Variants in PRKN observed in about 807,000 individuals in gnomAD.
PRKN encodes the protein parkin RBR E3 ubiquitin protein ligase.
In PRKN, 56 loss-of-function variants were observed where a neutral mutation model predicts 59.5. That is an observed-to-expected ratio of 0.94 (90% CI 0.76 to 1.18). The LOEUF (loss-of-function observed/expected upper bound fraction) is 1.18, where lower values mean the gene tolerates loss of function less well. Ranked by LOEUF, PRKN falls within the 50% of genes most tolerant of loss-of-function variation. The probability of loss-of-function intolerance (pLI) is 0.00; values close to 1 mark genes in which losing one functional copy is unlikely to be tolerated. For synonymous variants in PRKN, 250 were observed against 222.1 expected, an observed-to-expected ratio of 1.13 and a Z score of -1.12; for missense variants, 657 against 596.4, an observed-to-expected ratio of 1.10 and a Z score of -1.06.
intron 2 of PRKN, among the ~76,000 whole-genome samples, chr6:162,399,571 A>C (rs1458708276): frequency 6.6e-6 from 1 of 152,112 alleles, no homozygotes; most frequent in Non-Finnish European, 1.5e-5. Flanking sequence ...GCATGCACAC[A>C]ATCTATACAA....
intron 9 of PRKN, among the ~76,000 whole-genome samples, chr6:161,443,196 G>C (rs1012338584): frequency 4.6e-5 from 7 of 151,984 alleles, no homozygotes; most frequent in African/African-American, 1.7e-4. Context: ...TGTAATCCCA[G>C]CTACTTGGGA....
At chr6:161,869,952 C>T (rs1794277737) in intron 6 of PRKN, among the ~76,000 whole-genome samples, 2 of 152,116 alleles carry the variant, frequency 1.3e-5, no homozygotes, top group Admixed American at 1.3e-4. Flanking sequence ...AAGATTTCAG[C>T]CCATTTTATT....
chr6:161,415,382 A>C (rs1787791595), intron 9 of PRKN, among the ~76,000 whole-genome samples: 1 of 152,100 alleles, frequency 6.6e-6, no homozygotes, highest in Non-Finnish European at 1.5e-5. Context: ...CTCCATAATC[A>C]TCATAATAAA....
At position 161,547,569 on chromosome 6, in the gene PRKN, T is replaced by C. The variant is rs924941523; in HGVS notation, c.1083+1285A>G. On this transcript the variant is annotated intron_variant, in intron 9 of 11. Coordinates refer to ENST00000366898, the MANE Select transcript of PRKN (RefSeq NM_004562.3). This position sits in a 1 kb window ranked among gnomAD's most constrained non-coding sequence, Gnocchi z 4.0. ...CCAGCTTTAGAGGATGGAACCACAG[T>C]AGGCAATTAGCAGGCAGAAGCACAT... is the stretch of plus-strand genomic sequence containing the variant. 2.0e-5 allele frequency among the ~76,000 whole-genome samples: 3 copies of C among 152,190 alleles called. No homozygotes were observed. The highest frequency in any genetic ancestry group is 7.2e-5 in the African/African-American group (3 of 41,448).
At chr6:162,118,534 C>A (rs1293516888) in intron 4 of PRKN, among the ~76,000 whole-genome samples, 2 of 152,130 alleles carry the variant, frequency 1.3e-5, no homozygotes, top group African/African-American at 4.8e-5. Flanking sequence ...TTCATTTTTA[C>A]AAACACATGG....
chr6:162,421,408 G>A (rs1788956979), intron 2 of PRKN, among the ~76,000 whole-genome samples: 1 of 152,158 alleles, frequency 6.6e-6, no homozygotes, highest in Non-Finnish European at 1.5e-5. Flanking sequence ...CACAGTTGAT[G>A]GAGCTAAGAC....
intron 5 of PRKN, among the ~76,000 whole-genome samples, chr6:162,034,182 T>TAGAG (rs1324757025): frequency 7.5e-4 from 91 of 121,550 alleles, no homozygotes; most frequent in African/African-American, 2.8e-3. Flanking sequence ...TATATATATA[T>TAGAG]ATATAGAGAG....
intron 1 of PRKN, among the ~76,000 whole-genome samples, chr6:162,531,250 C>T (rs768026327): frequency 4.0e-5 from 6 of 151,450 alleles, no homozygotes; most frequent in Non-Finnish European, 8.8e-5. Context: ...CCCAGCTACT[C>T]GGGAGGCTGA....
chr6:161,663,055 G>C (rs1784604159), intron 7 of PRKN, among the ~76,000 whole-genome samples: 1 of 152,186 alleles, frequency 6.6e-6, no homozygotes, highest in African/African-American at 2.4e-5. Context: ...GTTTTATAAA[G>C]GGGAGTTCCC....
intron 6 of PRKN, among the ~76,000 whole-genome samples, chr6:161,865,821 T>C (rs1794089791): frequency 6.6e-6 from 1 of 152,216 alleles, no homozygotes; most frequent in Non-Finnish European, 1.5e-5. Flanking sequence ...AACATTCACG[T>C]GTTCACTGGA....
At chr6:162,460,883 A>C (rs1279373768) in intron 1 of PRKN, among the ~76,000 whole-genome samples, 1 of 152,200 alleles carries the variant, frequency 6.6e-6, no homozygotes, top group African/African-American at 2.4e-5. Context: ...AAAAAGGTAG[A>C]CTTATATTTC....
intron 1 of PRKN, among the ~76,000 whole-genome samples, chr6:162,646,114 C>T (rs577018915): frequency 5.3e-5 from 8 of 151,838 alleles, no homozygotes; most frequent in Admixed American, 1.3e-4. Context: ...CCTCGTAAAC[C>T]GCCCGCCTCG....
chr6:161,811,619 T>C (rs1791564329), intron 6 of PRKN, among the ~76,000 whole-genome samples: 1 of 152,108 alleles, frequency 6.6e-6, no homozygotes, highest in African/African-American at 2.4e-5. Context: ...GAAAGAGCTA[T>C]TACTTTAAAT....
chr6:161,913,551 G>A (rs1327229496), intron 6 of PRKN, among the ~76,000 whole-genome samples: 1 of 152,124 alleles, frequency 6.6e-6, no homozygotes, highest in Non-Finnish European at 1.5e-5. Flanking sequence ...AAAATAAAAA[G>A]CAATAACCAG....
chr6:161,688,721 C>G (rs1290702985), intron 7 of PRKN, among the ~76,000 whole-genome samples: 2 of 152,112 alleles, frequency 1.3e-5, no homozygotes, highest in Admixed American at 1.3e-4. Flanking sequence ...GAATGACAAG[C>G]CCACCTTTTT....
intron 1 of PRKN, among the ~76,000 whole-genome samples, chr6:162,500,820 GGTATATTTAATATTATTTC>G (rs1328678481): frequency 1.2e-4 from 18 of 151,922 alleles, no homozygotes; most frequent in Admixed American, 1.2e-3. Context: ...TGTTTCTCTA[GGTATATTTAATATTATTTC>G]TTAAATACTA....
intron 2 of PRKN, among the ~76,000 whole-genome samples, chr6:162,288,886 A>G (rs900223437): frequency 3.3e-5 from 5 of 152,196 alleles, no homozygotes; most frequent in Non-Finnish European, 5.9e-5. Flanking sequence ...TTGTCATTTG[A>G]TCAAACGGGC....
intron 2 of PRKN, among the ~76,000 whole-genome samples, chr6:162,358,069 TTAA>T (rs1419735850): frequency 6.6e-6 from 1 of 152,132 alleles, no homozygotes; most frequent in East Asian, 1.9e-4. Context: ...TGGACTGTAG[TTAA>T]TAATAACGTA....
intron 3 of PRKN, among the ~76,000 whole-genome samples, chr6:162,204,553 G>C (rs1393949338): frequency 6.6e-6 from 1 of 152,216 alleles, no homozygotes; most frequent in Admixed American, 6.5e-5. Context: ...TATAAACCCA[G>C]ATTTACCAAA....
Sources: gnomAD v4.1 joint callset for allele counts (sites outside exome capture counted in the v4.1 genomes callset) on GRCh38, gnomAD v4.1.1 for gene constraint, Gnocchi (gnomAD v3.1) non-coding constraint, MANE v1.5 for transcripts, NCBI Gene and HGNC (gene_info 2026-07-23, HGNC 2026-07-21) for gene names.